Variants in RHD observed in about 807,000 individuals in gnomAD.
The protein encoded by RHD is blood group Rh(D) polypeptide.
A neutral mutation model predicts 45.5 loss-of-function variants in RHD; 16 were observed. That is an observed-to-expected ratio of 0.35 (90% CI 0.24 to 0.53). The LOEUF (loss-of-function observed/expected upper bound fraction) is 0.53. Among genes scored for constraint, RHD ranks in the 20% least tolerant of loss-of-function variants. The probability of loss-of-function intolerance (pLI) is 0.92; values close to 1 mark genes in which losing one functional copy is unlikely to be tolerated. For synonymous variants in RHD, 131 were observed against 217.5 expected, an observed-to-expected ratio of 0.60 and a Z score of 3.50; for missense variants, 306 against 532.0, an observed-to-expected ratio of 0.58 and a Z score of 4.18.
chr1:25,303,259 T>C (rs1447874623), intron 5 of RHD, 63 bp from the exon 6 acceptor site: 1 of 1,092,814 alleles, frequency 9.2e-7, no homozygotes, highest in Non-Finnish European at 1.4e-6. Flanking sequence ...TGCTGGTCAC[T>C]TGCAGCAAGA....
chr1:25,277,760 C>T (rs576498315), intron 1 of RHD, among the ~76,000 whole-genome samples: 2 of 120,868 alleles, frequency 1.7e-5, no homozygotes, highest in African/African-American at 5.6e-5. Context: ...CCGCAACCTC[C>T]ACCTCCCAGG....
chr1:25,279,085 C>T (rs143357003), intron 1 of RHD, among the ~76,000 whole-genome samples: 2,171 of 128,582 alleles, frequency 0.017, 359 homozygotes, highest in African/African-American at 0.055. Flanking sequence ...GGCAGCTGAC[C>T]GGAGGAGGCA....
At chr1:25,320,077 T>C (rs528004140) in intron 8 of RHD, among the ~76,000 whole-genome samples, 1 of 131,150 alleles carries the variant, frequency 7.6e-6, no homozygotes, top group South Asian at 2.4e-4. Flanking sequence ...TTTGTATTTT[T>C]AGTAGAGACA....
At position 25,330,049 on chromosome 1, in the gene RHD, AG is replaced by A. The variant is rs1644967182; in HGVS notation, c.*1129del. ...GTGATTCAGGCTTCCATTGAGACCA[AG>A]GGGAGAACCTGGTTGCAGGACAAAC... is the stretch of plus-strand genomic sequence containing the variant. On this transcript the variant is annotated 3_prime_UTR_variant, in exon 10 of 10. Coordinates refer to ENST00000328664, the MANE Select transcript of RHD (RefSeq NM_016124.6). The A allele has an allele frequency of 7.5e-6, 1 of 132,784 alleles. No individual in the cohort carries two copies. The highest frequency in any genetic ancestry group is 1.8e-5 in the Non-Finnish European group (1 of 56,014). The allele number at this position is 132,784 out of a possible 1,614,324, so 8.2% of individuals were successfully genotyped here.
At chr1:25,279,769 C>T (rs1641314335) in intron 1 of RHD, among the ~76,000 whole-genome samples, 1 of 128,610 alleles carries the variant, frequency 7.8e-6, no homozygotes. Flanking sequence ...AGTCATGAGG[C>T]TTTCATAAAC....
chr1:25,291,792 G>C lies in RHD; in HGVS notation c.486+1001G>C, dbSNP rs1299973473. On this transcript the variant is annotated intron_variant, in intron 3 of 9. Coordinates refer to ENST00000328664, the MANE Select transcript of RHD (RefSeq NM_016124.6). Reference sequence around the variant, plus strand: ...GTCTAAATTTGAAGGCAGCTGTGAAGGTAAGGCCAATCCAAATGGCTCTCC... The same window carrying C: ...GTCTAAATTTGAAGGCAGCTGTGAACGTAAGGCCAATCCAAATGGCTCTCC... Among the ~76,000 whole-genome samples the C allele has an allele frequency of 4.5e-5, 6 of 132,526 alleles. 2 individuals carry two copies. Among genetic ancestry groups the C allele is most frequent in the African/African-American group, 1.5e-4 (6 of 38,882 alleles). The allele number at this position is 132,526 out of a possible 152,430, so 86.9% of individuals were successfully genotyped here.
chr1:25,274,880 G>A lies in RHD; in HGVS notation c.148+2185G>A, dbSNP rs1292530835. 8.4e-5 allele frequency among the ~76,000 whole-genome samples: 11 copies of A among 131,458 alleles called. 1 individual carries two copies. Among genetic ancestry groups the A allele is most frequent in the African/African-American group, 2.3e-4 (9 of 38,584 alleles). The allele number at this position is 131,458 out of a possible 152,430, so 86.2% of individuals were successfully genotyped here. On this transcript the variant is annotated intron_variant, in intron 1 of 9. Coordinates refer to ENST00000328664, the MANE Select transcript of RHD (RefSeq NM_016124.6). ...AAACTGGCTGGGTGTGGTGGCACACGTCTATAATCCGAGCTACTTGGGAGG... is the reference window on the plus strand; with the variant it reads ...AAACTGGCTGGGTGTGGTGGCACACATCTATAATCCGAGCTACTTGGGAGG...
chr1:25,318,550 T>C (rs932773691), intron 8 of RHD, among the ~76,000 whole-genome samples: 1 of 131,200 alleles, frequency 7.6e-6, no homozygotes, highest in Non-Finnish European at 1.8e-5. Flanking sequence ...GTTGCACCAC[T>C]GCCCTCCAGC....
At position 25,275,523 on chromosome 1, in the gene RHD, C is replaced by T. The variant is rs1640888572; in HGVS notation, c.148+2828C>T. On this transcript the variant is annotated intron_variant, in intron 1 of 9. Transcript: ENST00000328664. Reference sequence around the variant, plus strand: ...CTGTAGTGTAGTATTGACCTGAGGACTTCAACATTCTGATGGTGTACACAC... The same window carrying T: ...CTGTAGTGTAGTATTGACCTGAGGATTTCAACATTCTGATGGTGTACACAC... Among the ~76,000 whole-genome samples, 2 of 131,472 alleles carry T rather than the reference C, an allele frequency of 1.5e-5. 1 individual carries two copies. Among genetic ancestry groups the T allele is most frequent in the Non-Finnish European group, 3.6e-5 (2 of 55,644 alleles). 86.3% of individuals were successfully genotyped at this position (131,472 alleles called of 152,430 possible).
chr1:25,305,191 G>A (rs1643704432), intron 6 of RHD, among the ~76,000 whole-genome samples: 1 of 130,030 alleles, frequency 7.7e-6, no homozygotes, highest in Admixed American at 7.5e-5. Flanking sequence ...GCAGAGACAT[G>A]GGGAATGTAT....
intron 3 of RHD, among the ~76,000 whole-genome samples, chr1:25,291,670 A>C (rs1642521289): frequency 7.5e-6 from 1 of 132,576 alleles, no homozygotes; most frequent in African/African-American, 2.6e-5. Context: ...GAGCCTCACC[A>C]GCAGTGGGTC....
At chr1:25,307,793 A>C (rs1643931110) in intron 7 of RHD, 1 of 1,300,850 alleles carries the variant, frequency 7.7e-7, no homozygotes, top group East Asian at 2.5e-5. Flanking sequence ...ATAGCCCCAA[A>C]TTATAGGGAT....
chr1:25,319,099 T>C lies in RHD; in HGVS notation c.1153+2020T>C, dbSNP rs1201097521. Among the ~76,000 whole-genome samples, 7 of 132,604 alleles carry C rather than the reference T, an allele frequency of 5.3e-5. 2 individuals carry two copies. Among genetic ancestry groups the C allele is most frequent in the African/African-American group, 1.8e-4 (7 of 38,886 alleles). The allele number at this position is 132,604 out of a possible 152,430, so 87.0% of individuals were successfully genotyped here. On this transcript the variant is annotated intron_variant, in intron 8 of 9. Transcript: ENST00000328664. ...TTTGAAATGAATTGGGTATCCTGCA[T>C]TTTATTTGGCAACCCTGTCCTGGGA...
At chr1:25,277,756 C>A (rs1265136403) in intron 1 of RHD, among the ~76,000 whole-genome samples, 3 of 120,746 alleles carry the variant, frequency 2.5e-5, no homozygotes, top group East Asian at 2.0e-4. Flanking sequence ...CTCACCGCAA[C>A]CTCCACCTCC....
chr1:25,308,233 G>C (rs1643952581), intron 7 of RHD, among the ~76,000 whole-genome samples: 1 of 114,058 alleles, frequency 8.8e-6, no homozygotes, highest in African/African-American at 3.0e-5. Flanking sequence ...TCTGCTTGTG[G>C]GCTGCCTAGA....
Position 25,283,392 on chromosome 1 carries a change from A to G in RHD, c.149-1181A>G, listed in dbSNP as rs1234310145. On this transcript the variant is annotated intron_variant, in intron 1 of 9. Transcript: ENST00000328664. ...TTAAAAATACAAAAATTAGCCGGGCACGGTGGCAGGCACCTGTAATCCCAG... is the reference window on the plus strand; with the variant it reads ...TTAAAAATACAAAAATTAGCCGGGCGCGGTGGCAGGCACCTGTAATCCCAG... 1.5e-5 allele frequency among the ~76,000 whole-genome samples: 2 copies of G among 131,276 alleles called. 1 individual carries two copies. Among genetic ancestry groups the G allele is most frequent in the Non-Finnish European group, 3.6e-5 (2 of 55,540 alleles). The allele number at this position is 131,276 out of a possible 152,430, so 86.1% of individuals were successfully genotyped here. A position where few individuals can be genotyped will look rare whatever the true frequency, so the allele number is the denominator to read the frequency against.
intron 3 of RHD, chr1:25,294,190 C>T: frequency 2.4e-6 from 2 of 846,426 alleles, no homozygotes; most frequent in Non-Finnish European, 4.0e-6. Flanking sequence ...ATGGCAACAG[C>T]TTTGCAGATG....
In RHD at chr1:25,290,635, C is replaced by T. The variant is rs772391687; in HGVS notation, c.336-6C>T. On this transcript the variant is annotated splice_polypyrimidine_tract_variant and splice_region_variant and intron_variant, in intron 2 of 9. Coordinates refer to ENST00000328664, the MANE Select transcript of RHD (RefSeq NM_016124.6). ...CAGTCGTCCTGGCTCTCCCTCTCTC[C>T]CCCAGTATTCGGCTGGCCACCATGA... The T allele has an allele frequency of 2.9e-6, 4 of 1,375,854 alleles. 1 individual carries two copies. The highest frequency in any genetic ancestry group is 4.1e-6 in the Non-Finnish European group (4 of 975,968). The allele number at this position is 1,375,854 out of a possible 1,614,324, so 85.2% of individuals were successfully genotyped here. A position where few individuals can be genotyped will look rare whatever the true frequency, so the allele number is the denominator to read the frequency against.
intron 7 of RHD, among the ~76,000 whole-genome samples, chr1:25,312,956 C>G (rs1254789809): frequency 4.9e-5 from 1 of 20,474 alleles, no homozygotes; most frequent in East Asian, 1.5e-3. Context: ...AAAAAAAAAA[C>G]TTTAGTGCTA....
Sources: allele counts gnomAD v4.1 joint callset (sites outside exome capture counted in the v4.1 genomes callset), GRCh38; gene constraint gnomAD v4.1.1; transcripts MANE v1.5; gene names NCBI Gene and HGNC (gene_info 2026-07-23, HGNC 2026-07-21).